IQSEC2: variants seen among roughly 807,000 people sequenced by gnomAD.
The protein encoded by IQSEC2 is IQ motif and SEC7 domain-containing protein 2.
In IQSEC2, 6 loss-of-function variants were observed where a neutral mutation model predicts 74.6. The observed-to-expected ratio is 0.08, with a 90% CI of 0.04 to 0.16. IQSEC2 has a LOEUF of 0.16. Among genes scored for constraint, IQSEC2 ranks in the 10% least tolerant of loss-of-function variants. IQSEC2 has a pLI of 1.00. For missense variants in IQSEC2, 734 were observed against 1,306.2 expected (o/e 0.56, Z 6.75); for synonymous variants, 494 against 544.5 (o/e 0.91, Z 1.29).
chrX:53,281,287 G>A (rs1428516721), intron 2 of IQSEC2, among the ~76,000 whole-genome samples: 4 of 112,615 alleles, frequency 3.6e-5, no homozygotes, highest in Admixed American at 9.3e-5. Flanking sequence ...GCTGCTCAGG[G>A]TTCCAGGGTC....
Position 53,289,599 on chromosome X carries a change from C to A in IQSEC2, c.737+2296G>T, listed in dbSNP as rs782279100. On this transcript the variant is annotated intron_variant, in intron 2 of 14. Coordinates refer to ENST00000642864, the MANE Select transcript of IQSEC2 (RefSeq NM_001111125.3). ...AAGCTCTCCTTCACCCTAACTGGAG[C>A]GAATTCAAAAATTTACAAGTAGGTC... Among the ~76,000 whole-genome samples the A allele has an allele frequency of 3.6e-5, 4 of 111,467 alleles. No homozygotes were observed. The Admixed American group carries it at 3.8e-4, about 11-fold the overall frequency.
chrX:53,300,783 A>C (rs2075203518), intron 1 of IQSEC2, among the ~76,000 whole-genome samples: 1 of 111,602 alleles, frequency 9.0e-6, no homozygotes, highest in Non-Finnish European at 1.9e-5. Flanking sequence ...CATGATTTAA[A>C]CCAGTGAAAA....
intron 2 of IQSEC2, among the ~76,000 whole-genome samples, chrX:53,278,584 G>A (rs1439872678): frequency 1.8e-5 from 2 of 111,217 alleles, no homozygotes; most frequent in Admixed American, 9.5e-5. Context: ...CTAGCTTCTT[G>A]AGTGGAATAA....
In IQSEC2 at chrX:53,251,091, C is replaced by T. The variant is rs370228504; in HGVS notation, c.1485G>A (p.Gln495=). The T allele has an allele frequency of 8.3e-7, 1 of 1,212,026 alleles. No homozygotes were observed. Among genetic ancestry groups the T allele is most frequent in the Non-Finnish European group, 1.1e-6 (1 of 895,551 alleles). ...GTTCCTTTGACTCCCGCTTCTCCAG[C>T]TGGGCTGACCCTGGCTCCTCAGACA... ...GPMSEEPGSA[Q]LEKRESKEQQ... Residue 495 remains glutamine (Q), a synonymous_variant, in exon 5 of 15, where the codon CAG becomes CAA. Transcript: ENST00000642864.
chrX:53,299,065 TTCTC>T (rs2075184045), intron 1 of IQSEC2, among the ~76,000 whole-genome samples: 1 of 110,210 alleles, frequency 9.1e-6, no homozygotes, highest in South Asian at 3.8e-4. Context: ...TTTTCTTTCT[TTCTC>T]TCTCTCTCTT....
At chrX:53,237,091 G>A (rs1386880145) in intron 12 of IQSEC2, among the ~76,000 whole-genome samples, 1 of 111,908 alleles carries the variant, frequency 8.9e-6, no homozygotes, top group Non-Finnish European at 1.9e-5. Flanking sequence ...CAACAGTTCT[G>A]AGGTCAGTAT....
In IQSEC2 at chrX:53,243,341, T is replaced by C. The variant is rs142289368; in HGVS notation, c.2880A>G (p.Gly960=). ...QVQAVERMIV[G]KKPVLSLPHR... ...CTCCCAAGGCACTTACTGGTTTCTT[T>C]CCAACAATCATGCGCTCCACAGCCT... Residue 960 remains glycine (G), a synonymous_variant, in exon 9 of 15, where the codon GGA becomes GGG. Transcript: ENST00000642864. The C allele has an allele frequency of 2.6e-6, 3 of 1,164,774 alleles. No homozygotes were observed. In the African/African-American group the frequency reaches 5.4e-5, roughly 21 times the overall value.
chrX:53,286,927 A>G (rs2075034587), intron 2 of IQSEC2, among the ~76,000 whole-genome samples: 1 of 86,263 alleles, frequency 1.2e-5, no homozygotes, highest in African/African-American at 4.3e-5. Context: ...GCGACAGAGC[A>G]AGTATCCGGC....
At chrX:53,235,529 C>T (rs1467245966) in intron 14 of IQSEC2, among the ~76,000 whole-genome samples, 13 of 111,510 alleles carry the variant, frequency 1.2e-4, no homozygotes, top group African/African-American at 4.2e-4. Context: ...CGTGGCCCAA[C>T]TCCAAGGGCA....
chrX:53,251,311 G>T, intron 4 of IQSEC2, 137 bp from the exon 5 acceptor site: 1 of 626,075 alleles, frequency 1.6e-6, no homozygotes, highest in Non-Finnish European at 2.5e-6. Context: ...CAAGGAGGGT[G>T]GATTCCCCTC....
chrX:53,279,960 A>AG, intron 2 of IQSEC2, among the ~76,000 whole-genome samples: 1 of 104,875 alleles, frequency 9.5e-6, no homozygotes, highest in African/African-American at 3.5e-5. Context: ...GAAGGAAGGA[A>AG]GAAAAAAAGA....
At chrX:53,251,393 G>A (rs1180109080) in intron 4 of IQSEC2, among the ~76,000 whole-genome samples, 1 of 110,395 alleles carries the variant, frequency 9.1e-6, no homozygotes, top group Admixed American at 9.6e-5. Flanking sequence ...CACAGGAGCT[G>A]AGACTAATGC....
chrX:53,237,263 G>A (rs1556859938), intron 12 of IQSEC2, among the ~76,000 whole-genome samples: 1 of 111,297 alleles, frequency 9.0e-6, no homozygotes, highest in Admixed American at 9.5e-5. Context: ...ACCTCCCCAC[G>A]GAGCTCATAG....
At chrX:53,242,156 G>A (rs1417622009) in intron 9 of IQSEC2, among the ~76,000 whole-genome samples, 1 of 110,985 alleles carries the variant, frequency 9.0e-6, no homozygotes, top group African/African-American at 3.3e-5. Context: ...CATCCCGGCC[G>A]GGCGCAGTGG....
chrX:53,244,525 C>CAAAAA (rs1190920344), intron 8 of IQSEC2, among the ~76,000 whole-genome samples: 82 of 47,766 alleles, frequency 1.7e-3, no homozygotes, highest in African/African-American at 4.3e-3. Context: ...GACCCTGTCT[C>CAAAAA]AAAAAAAAAA....
chrX:53,321,255 CGGGGGCCCTA>C lies in IQSEC2; in HGVS notation c.-142_-133del, dbSNP rs2075429945. On this transcript the variant is annotated 5_prime_UTR_variant, in exon 1 of 15. Transcript: ENST00000642864. Reference sequence around the variant, plus strand: ...AGGGCGCGCACCGGGCTTGAGGGCCCGGGGGCCCTAGGGGGCCCGGGAGACAGCGCTGGGG... The same window carrying C: ...AGGGCGCGCACCGGGCTTGAGGGCCCGGGGGCCCGGGAGACAGCGCTGGGG... 2.6e-6 allele frequency: 1 copy of C among 379,668 alleles called. No individual in the cohort carries two copies. The highest frequency in any genetic ancestry group is 4.7e-5 in the East Asian group (1 of 21,308). The allele number at this position is 379,668 out of a possible 1,213,427, so 31.3% of individuals were successfully genotyped here.
At chrX:53,249,784 A>G (rs782730344) in intron 5 of IQSEC2, among the ~76,000 whole-genome samples, 3 of 111,948 alleles carry the variant, frequency 2.7e-5, no homozygotes, top group South Asian at 7.5e-4. Context: ...AGTCACAGTC[A>G]CTGAAGGGTC....
chrX:53,263,445 G>T (rs1263973076), intron 2 of IQSEC2, among the ~76,000 whole-genome samples: 1 of 111,071 alleles, frequency 9.0e-6, no homozygotes, highest in African/African-American at 3.3e-5. Context: ...AGCTTCAGAA[G>T]CCCCTCTGAA....
chrX:53,266,229 C>T (rs782470617), intron 2 of IQSEC2: 22 of 298,886 alleles, frequency 7.4e-5, no homozygotes, highest in African/African-American at 5.5e-4. Context: ...ACTCTCTTTC[C>T]CGGCCCCTAT....
Sources: allele counts gnomAD v4.1 joint callset (sites outside exome capture counted in the v4.1 genomes callset), GRCh38; gene constraint gnomAD v4.1.1; transcripts MANE v1.5; gene names NCBI Gene and HGNC (gene_info 2026-07-23, HGNC 2026-07-21).